The following SLC35D4 variants were observed in gnomAD, a reference collection of about 807,000 sequenced individuals.
SLC35D4 encodes UDP-N-acetylglucosamine transporter SLC35D4.
the SLC35D4 span, among the ~76,000 whole-genome samples, chr18:23,410,146 T>C: frequency 3.3e-5 from 5 of 152,194 alleles, no homozygotes; most frequent in African/African-American, 9.7e-5. Context: ...GTTTTTGCGA[T>C]ATGTAGGATA....
chr18:23,367,740 C>T, the SLC35D4 span, among the ~76,000 whole-genome samples: 1,007 of 151,246 alleles, frequency 6.7e-3, 9 homozygotes, highest in African/African-American at 0.023. Context: ...TGAAGAAAAA[C>T]GTAACTTGAA....
the SLC35D4 span, among the ~76,000 whole-genome samples, chr18:23,279,830 CAT>C: frequency 6.6e-6 from 1 of 152,098 alleles, no homozygotes; most frequent in Admixed American, 6.6e-5. Context: ...CACACACACA[CAT>C]ATATACATAT....
chr18:23,400,060 A>G, the SLC35D4 span, among the ~76,000 whole-genome samples: 1 of 152,250 alleles, frequency 6.6e-6, no homozygotes, highest in Non-Finnish European at 1.5e-5. Flanking sequence ...TGGAATCACA[A>G]CAAAAAGAAC....
At chr18:23,302,805 C>G in the SLC35D4 span, among the ~76,000 whole-genome samples, 1 of 152,290 alleles carries the variant, frequency 6.6e-6, no homozygotes, top group South Asian at 2.1e-4. Context: ...GATTGGAGAC[C>G]ACACGCCAAC....
chr18:23,403,138 T>C, the SLC35D4 span, among the ~76,000 whole-genome samples: 1 of 152,052 alleles, frequency 6.6e-6, no homozygotes, highest in South Asian at 2.1e-4. Flanking sequence ...GATTCCCTGA[T>C]TTATGTGACT....
the SLC35D4 span, among the ~76,000 whole-genome samples, chr18:23,359,222 TA>T: frequency 6.6e-6 from 1 of 151,838 alleles, no homozygotes; most frequent in Non-Finnish European, 1.5e-5. Context: ...CCATCTCTAC[TA>T]AAAATACAAA....
At chr18:23,301,260 C>T in the SLC35D4 span, among the ~76,000 whole-genome samples, 2 of 152,042 alleles carry the variant, frequency 1.3e-5, no homozygotes, top group Non-Finnish European at 1.5e-5. Context: ...TAATCAGCAA[C>T]GTTATTGAGA....
the SLC35D4 span, among the ~76,000 whole-genome samples, chr18:23,363,820 G>T: frequency 6.6e-6 from 1 of 152,140 alleles, no homozygotes; most frequent in Non-Finnish European, 1.5e-5. Flanking sequence ...AGCCATTTAG[G>T]GTTACCAGTA....
At chr18:23,365,633 C>G in the SLC35D4 span, 2 of 1,613,330 alleles carry the variant, frequency 1.2e-6, no homozygotes, top group African/African-American at 2.7e-5. Context: ...GGGGCATTTA[C>G]CTGTGGGATG....
the SLC35D4 span, among the ~76,000 whole-genome samples, chr18:23,341,769 C>T: frequency 2.0e-5 from 3 of 151,994 alleles, no homozygotes; most frequent in East Asian, 1.9e-4. Context: ...TTGATGTACC[C>T]GAGGCTGGAA....
the SLC35D4 span, among the ~76,000 whole-genome samples, chr18:23,384,553 G>A: frequency 6.6e-6 from 1 of 152,200 alleles, no homozygotes; most frequent in African/African-American, 2.4e-5. Flanking sequence ...ATGGAGGCCT[G>A]GAAGGTGAAG....
the SLC35D4 span, among the ~76,000 whole-genome samples, chr18:23,392,523 T>G: frequency 6.6e-6 from 1 of 152,212 alleles, no homozygotes; most frequent in African/African-American, 2.4e-5. Context: ...GAGGTCCTCT[T>G]TGTCCTTCAT....
At chr18:23,434,011 T>G in the SLC35D4 span, among the ~76,000 whole-genome samples, 2 of 152,212 alleles carry the variant, frequency 1.3e-5, no homozygotes, top group African/African-American at 4.8e-5. Context: ...GCTCATGGGG[T>G]GTCCACTGCA....
chr18:23,421,018 T>G, the SLC35D4 span, among the ~76,000 whole-genome samples: 1 of 151,782 alleles, frequency 6.6e-6, no homozygotes, highest in South Asian at 2.1e-4. Flanking sequence ...TCAAGGCAGG[T>G]GGATCACTTG....
chr18:23,341,051 G>A, the SLC35D4 span, among the ~76,000 whole-genome samples: 3 of 152,268 alleles, frequency 2.0e-5, no homozygotes, highest in South Asian at 2.1e-4. Context: ...GTCTACACAC[G>A]TCCCTGCATT....
chr18:23,409,131 A>T, the SLC35D4 span, among the ~76,000 whole-genome samples: 1 of 152,172 alleles, frequency 6.6e-6, no homozygotes, highest in East Asian at 1.9e-4. Context: ...GTGAAACTCC[A>T]TCTCAAAAAG....
chr18:23,433,960 AATATGCTCATAGTAGG>A, the SLC35D4 span, among the ~76,000 whole-genome samples: 3 of 152,166 alleles, frequency 2.0e-5, no homozygotes, highest in Non-Finnish European at 2.9e-5. Flanking sequence ...CTCATAATAG[AATATGCTCATAGTAGG>A]ATATGCTCAT....
the SLC35D4 span, among the ~76,000 whole-genome samples, chr18:23,407,323 C>T: frequency 6.6e-6 from 1 of 152,102 alleles, no homozygotes; most frequent in Admixed American, 6.6e-5. Flanking sequence ...CTTTTCTATA[C>T]ATCACTACAA....
At chr18:23,329,061 T>C in the SLC35D4 span, among the ~76,000 whole-genome samples, 6 of 152,292 alleles carry the variant, frequency 3.9e-5, no homozygotes, top group South Asian at 6.2e-4. Flanking sequence ...TAATTCAAGA[T>C]GGACTAAAGA....
Sources: allele counts gnomAD v4.1 joint callset (sites outside exome capture counted in the v4.1 genomes callset), GRCh38; gene constraint gnomAD v4.1.1; transcripts MANE v1.5; gene names NCBI Gene and HGNC (gene_info 2026-07-23, HGNC 2026-07-21).